The following ZFAT variants were observed in gnomAD, a reference collection of about 807,000 sequenced individuals.
ZFAT encodes the protein zinc finger protein ZFAT.
Under a neutral mutation model 117.7 loss-of-function variants are expected in ZFAT, and 64 were observed. The observed-to-expected ratio is 0.54, with a 90% CI of 0.44 to 0.67. The LOEUF (loss-of-function observed/expected upper bound fraction) is 0.67. Ranked by LOEUF, ZFAT falls within the 30% of genes least tolerant of loss-of-function variation. The probability of loss-of-function intolerance (pLI) is 0.00; values close to 1 mark genes in which losing one functional copy is unlikely to be tolerated. For missense variants in ZFAT, 1,433 were observed against 1,584.5 expected, an observed-to-expected ratio of 0.90 and a Z score of 1.62; for synonymous variants, 679 against 615.0, an observed-to-expected ratio of 1.10 and a Z score of -1.54.
chr8:134,655,099 C>T (rs989367143), intron 2 of ZFAT, among the ~76,000 whole-genome samples: 1 of 152,118 alleles, frequency 6.6e-6, no homozygotes, highest in African/African-American at 2.4e-5. Context: ...GTTGCTCCTC[C>T]GCCAGCAGTC....
the ZFAT span, among the ~76,000 whole-genome samples, chr8:134,789,506 T>C: frequency 6.6e-6 from 1 of 152,242 alleles, no homozygotes; most frequent in African/African-American, 2.4e-5. Context: ...TTTCCATTTT[T>C]CACTCAAAAG....
the ZFAT span, among the ~76,000 whole-genome samples, chr8:134,824,891 A>G: frequency 1.3e-5 from 2 of 152,248 alleles, no homozygotes; most frequent in African/African-American, 4.8e-5. Flanking sequence ...TTATGGACAC[A>G]GAATATTCAA....
intron 2 of ZFAT, among the ~76,000 whole-genome samples, chr8:134,655,511 G>A (rs902043027): frequency 6.6e-6 from 1 of 152,092 alleles, no homozygotes; most frequent in Non-Finnish European, 1.5e-5. Flanking sequence ...AGGTGGGTGT[G>A]GTGGCGGGTG....
intron 10 of ZFAT, among the ~76,000 whole-genome samples, chr8:134,569,541 T>C (rs567935492): frequency 1.3e-5 from 2 of 152,258 alleles, no homozygotes; most frequent in South Asian, 4.2e-4. Flanking sequence ...GCAGGGGAAC[T>C]ATGTTCTCTT....
Position 134,600,607 on chromosome 8 carries a change from A to G in ZFAT, c.2304T>C (p.His768=). ...AATGACACTGAGAGCAATAATACAG[A>G]TGTTCCCGGGTGTGGGTGCGGACAT... ...DMHVRTHTRE[H]LYYCSQCHYS... Residue 768 remains histidine (H), a synonymous_variant, in exon 7 of 16, where the codon CAT becomes CAC. Transcript: ENST00000377838. The G allele has an allele frequency of 6.2e-7, 1 of 1,613,912 alleles. No homozygotes were observed. Among genetic ancestry groups the G allele is most frequent in the South Asian group, 1.1e-5 (1 of 91,076 alleles).
intron 1 of ZFAT, among the ~76,000 whole-genome samples, chr8:134,662,000 A>G (rs564445632): frequency 6.6e-6 from 1 of 152,344 alleles, no homozygotes; most frequent in East Asian, 1.9e-4. Context: ...CCATCTGAGT[A>G]GCTATCACAA....
chr8:134,535,663 T>C (rs1181730759), intron 11 of ZFAT, among the ~76,000 whole-genome samples: 1 of 151,958 alleles, frequency 6.6e-6, no homozygotes, highest in Non-Finnish European at 1.5e-5. Flanking sequence ...GGGTAAGGAA[T>C]CCTTGGAGTT....
chr8:134,612,618 C>T (rs951677615), intron 3 of ZFAT, among the ~76,000 whole-genome samples: 1 of 152,214 alleles, frequency 6.6e-6, no homozygotes, highest in African/African-American at 2.4e-5. Flanking sequence ...GGTGCTTGGA[C>T]CATTTTTAGA....
At chr8:134,506,065 C>G (rs1207689685) in intron 15 of ZFAT, among the ~76,000 whole-genome samples, 1 of 152,142 alleles carries the variant, frequency 6.6e-6, no homozygotes. Context: ...CTGTTATTTT[C>G]TTTGGTTTTT....
chr8:134,813,094 A>G, the ZFAT span, among the ~76,000 whole-genome samples: 1 of 152,244 alleles, frequency 6.6e-6, no homozygotes, highest in Non-Finnish European at 1.5e-5. Context: ...TGTTTTCTAC[A>G]CAGGCTAAAA....
Position 134,510,100 on chromosome 8 carries a change from C to T in ZFAT, c.3362-351G>A, listed in dbSNP as rs867364735. The T allele has an allele frequency of 2.4e-5, 11 of 461,058 alleles. No homozygotes were observed. The East Asian group carries it at 6.8e-4, about 29-fold the overall frequency. The allele number at this position is 461,058 out of a possible 1,614,324, so 28.6% of individuals were successfully genotyped here. On this transcript the variant is annotated intron_variant, in intron 14 of 15. Coordinates refer to ENST00000377838, the MANE Select transcript of ZFAT (RefSeq NM_020863.4). ...TAACATGCGGACATGTGGCTGCCCT[C>T]GAAGCTGAACTCCTGGGAGCACCCA...
chr8:134,794,579 T>C, the ZFAT span: 1 of 152,268 alleles, frequency 6.6e-6, no homozygotes, highest in African/African-American at 2.4e-5. Context: ...GATAATCTTT[T>C]ACCTGCTTTG....
intron 2 of ZFAT, among the ~76,000 whole-genome samples, chr8:134,649,201 ACCC>A (rs1554614274): frequency 8.7e-5 from 13 of 148,824 alleles, no homozygotes; most frequent in African/African-American, 3.3e-4. Context: ...ACACACACAC[ACCC>A]CATCATACTT....
intron 11 of ZFAT, among the ~76,000 whole-genome samples, chr8:134,564,470 C>T (rs1307343454): frequency 2.6e-5 from 4 of 152,164 alleles, no homozygotes; most frequent in Non-Finnish European, 5.9e-5. Context: ...CAGTTTGGGG[C>T]ACTGCCTGGT....
intron 2 of ZFAT, among the ~76,000 whole-genome samples, chr8:134,650,698 T>A (rs1167454281): frequency 1.3e-5 from 2 of 152,296 alleles, no homozygotes; most frequent in Non-Finnish European, 2.9e-5. Context: ...ACTACTGACA[T>A]TAGAAGAGAC....
chr8:134,535,375 C>T (rs539003265), intron 11 of ZFAT, among the ~76,000 whole-genome samples: 1 of 152,158 alleles, frequency 6.6e-6, no homozygotes. Context: ...TCATCAAAGA[C>T]AGAAACCCAC....
At chr8:134,655,071 G>A (rs990669242) in intron 2 of ZFAT, among the ~76,000 whole-genome samples, 1 of 152,202 alleles carries the variant, frequency 6.6e-6, no homozygotes, top group African/African-American at 2.4e-5. Flanking sequence ...TCCCAGGCAG[G>A]GGTGGCCTTT....
chr8:134,745,671 A>C, the ZFAT span, among the ~76,000 whole-genome samples: 1 of 152,228 alleles, frequency 6.6e-6, no homozygotes, highest in Non-Finnish European at 1.5e-5. Context: ...GATCATAAAA[A>C]GCCAAGGTTC....
At chr8:134,717,986 T>C (rs528607030), upstream of ZFAT, among the ~76,000 whole-genome samples, 26 of 152,180 alleles carry the variant, frequency 1.7e-4, no homozygotes, top group South Asian at 5.2e-3. Context: ...TGAGCCTCCA[T>C]GTCCAGTGTA....
Sources: gnomAD v4.1 joint callset for allele counts (sites outside exome capture counted in the v4.1 genomes callset) on GRCh38, gnomAD v4.1.1 for gene constraint, MANE v1.5 for transcripts, NCBI Gene and HGNC (gene_info 2026-07-23, HGNC 2026-07-21) for gene names.